Variants in PPFIA2 observed in about 807,000 individuals in gnomAD.
The protein encoded by PPFIA2 is PPFI scaffold protein A2.
A neutral mutation model predicts 175.5 loss-of-function variants in PPFIA2; 46 were observed. The ratio of observed to expected loss-of-function variants is 0.26; its 90% confidence interval spans 0.21 to 0.34. The LOEUF is 0.34. PPFIA2 is among the 10% of genes least tolerant of loss of function. PPFIA2 has a pLI of 1.00. For missense variants in PPFIA2, 1,179 were observed against 1,506.1 expected (o/e 0.78, Z 3.60); for synonymous variants, 568 against 511.4 (o/e 1.11, Z -1.49).
intron 4 of PPFIA2, among the ~76,000 whole-genome samples, chr12:81,546,683 C>T (rs114027769): frequency 0.01 from 1,525 of 152,084 alleles, 32 homozygotes; most frequent in African/African-American, 0.034. Context: ...TGAACATTTA[C>T]ATATTAAAAT....
intron 2 of PPFIA2, 86 bp from the exon 3 acceptor site, chr12:81,754,309 C>T: frequency 6.8e-7 from 1 of 1,476,370 alleles, no homozygotes; most frequent in Non-Finnish European, 9.2e-7. Flanking sequence ...AAATATTTTT[C>T]AGCTTATTAG....
chr12:81,340,898 T>C (rs1397386497), intron 20 of PPFIA2, among the ~76,000 whole-genome samples, 180 bp downstream of exon 20: 4 of 152,120 alleles, frequency 2.6e-5, no homozygotes, highest in Non-Finnish European at 4.4e-5. Flanking sequence ...ACTTTAAAAA[T>C]ACAAATTTGA....
chr12:81,571,354 A>G (rs2072510392), intron 4 of PPFIA2, among the ~76,000 whole-genome samples: 1 of 152,130 alleles, frequency 6.6e-6, no homozygotes, highest in African/African-American at 2.4e-5. Context: ...AAACAGGCAG[A>G]ATATTAGAAG....
chr12:81,414,605 C>A (rs1009452839), intron 7 of PPFIA2, among the ~76,000 whole-genome samples: 9 of 151,522 alleles, frequency 5.9e-5, no homozygotes, highest in South Asian at 2.1e-4. Flanking sequence ...AACAAAGATT[C>A]TTTTCATCTA....
chr12:81,754,096 C>T lies in PPFIA2; in HGVS notation c.126G>A (p.Arg42=), dbSNP rs761110344. ...EQLMVNMLDE[R]DRLLDTLRET... is the part of the protein sequence containing the mutation. ...CCCGAAGGGTGTCTAGAAGACGATC[C>T]CTTTCATCTAGCATATTCACCATCA... Residue 42 remains arginine (R), a synonymous_variant, in exon 3 of 33, where the codon AGG becomes AGA. Transcript: ENST00000549396. 1.2e-6 allele frequency: 2 copies of T among 1,613,744 alleles called. No homozygotes were observed. Among genetic ancestry groups the T allele is most frequent in the South Asian group, 2.2e-5 (2 of 91,046 alleles).
chr12:81,462,585 CATAT>C (rs71098145), intron 4 of PPFIA2, among the ~76,000 whole-genome samples: 20,199 of 124,572 alleles, frequency 0.16, 2,237 homozygotes, highest in East Asian at 0.4. Flanking sequence ...TATATATATA[CATAT>C]ATATATATAT....
At chr12:81,314,721 T>A (rs2051883123) in intron 22 of PPFIA2, among the ~76,000 whole-genome samples, 2 of 151,932 alleles carry the variant, frequency 1.3e-5, no homozygotes, top group Admixed American at 1.3e-4. Context: ...AAGAAACAAT[T>A]CATTAAATGA....
intron 7 of PPFIA2, chr12:81,431,222 G>A (rs148520407): frequency 1.2e-4 from 19 of 152,214 alleles, no homozygotes; most frequent in African/African-American, 3.9e-4. Flanking sequence ...AATCCATTTC[G>A]TCTGGCTTAA....
chr12:81,644,214 C>T (rs1365487044), intron 4 of PPFIA2, among the ~76,000 whole-genome samples: 1 of 151,926 alleles, frequency 6.6e-6, no homozygotes, highest in Non-Finnish European at 1.5e-5. Flanking sequence ...ATCTATACCT[C>T]AGTATGGGTA....
At chr12:81,577,387 G>A (rs116578825) in intron 4 of PPFIA2, among the ~76,000 whole-genome samples, 1,616 of 151,890 alleles carry the variant, frequency 0.011, 30 homozygotes, top group African/African-American at 0.033. Context: ...AGATATAACC[G>A]TCAAACATAT....
intron 3 of PPFIA2, among the ~76,000 whole-genome samples, chr12:81,723,926 T>C (rs1186708464): frequency 6.6e-6 from 1 of 151,000 alleles, no homozygotes; most frequent in Non-Finnish European, 1.5e-5. Context: ...TTTATCTAAA[T>C]TATCAGCTAA....
At chr12:81,405,266 T>A (rs1438078842) in intron 8 of PPFIA2, among the ~76,000 whole-genome samples, 3 of 152,172 alleles carry the variant, frequency 2.0e-5, no homozygotes, top group Non-Finnish European at 2.9e-5. Context: ...ACAAGAGTAC[T>A]GCTGAGGCCT....
intron 4 of PPFIA2, among the ~76,000 whole-genome samples, chr12:81,556,436 AC>A (rs1385948869): frequency 6.6e-6 from 1 of 151,850 alleles, no homozygotes; most frequent in African/African-American, 2.4e-5. Context: ...AGAATGTCTT[AC>A]CCTTTTTTCA....
chr12:81,461,043 G>A (rs973377030), intron 4 of PPFIA2, among the ~76,000 whole-genome samples: 2 of 152,018 alleles, frequency 1.3e-5, no homozygotes, highest in African/African-American at 2.4e-5. Context: ...CAAACTTTCA[G>A]TGCTTTTTAC....
chr12:81,343,844 T>A (rs1566292360), intron 19 of PPFIA2, among the ~76,000 whole-genome samples: 1 of 152,142 alleles, frequency 6.6e-6, no homozygotes, highest in Non-Finnish European at 1.5e-5. Flanking sequence ...TGCTCTGGCA[T>A]CTGGAGAGGA....
intron 4 of PPFIA2, among the ~76,000 whole-genome samples, chr12:81,531,953 A>C (rs930638999): frequency 6.6e-6 from 1 of 151,878 alleles, no homozygotes; most frequent in African/African-American, 2.4e-5. Context: ...GATATTAATT[A>C]GAAAATAAGT....
chr12:81,728,265 A>G (rs945405149), intron 3 of PPFIA2, among the ~76,000 whole-genome samples: 2 of 151,410 alleles, frequency 1.3e-5, no homozygotes, highest in African/African-American at 4.8e-5. Context: ...AGAATGGTTG[A>G]GAGTATCTTT....
At chr12:81,398,570 A>T (rs2041567420) in intron 8 of PPFIA2, among the ~76,000 whole-genome samples, 1 of 151,996 alleles carries the variant, frequency 6.6e-6, no homozygotes, top group Admixed American at 6.6e-5. Context: ...TGCTCTGCAA[A>T]CCTCACAGGG....
chr12:81,712,072 TA>T (rs2078008679), intron 3 of PPFIA2, among the ~76,000 whole-genome samples: 1 of 151,372 alleles, frequency 6.6e-6, no homozygotes, highest in Admixed American at 6.8e-5. Context: ...ATTATATTTT[TA>T]AAACATTATT....
Sources: gnomAD v4.1 joint callset for allele counts (sites outside exome capture counted in the v4.1 genomes callset) on GRCh38, gnomAD v4.1.1 for gene constraint, MANE v1.5 for transcripts, NCBI Gene and HGNC (gene_info 2026-07-23, HGNC 2026-07-21) for gene names.